MAD1L1: variants seen among roughly 807,000 people sequenced by gnomAD.
MAD1L1 encodes mitotic spindle assembly checkpoint protein MAD1.
In MAD1L1, 95 loss-of-function variants were observed where a neutral mutation model predicts 96.9. The observed-to-expected ratio is 0.98, with a 90% CI of 0.83 to 1.16. MAD1L1 has a LOEUF of 1.16. Ranked by LOEUF, MAD1L1 falls within the 50% of genes most tolerant of loss-of-function variation. The pLI is 0.00. For missense variants in MAD1L1, 1,007 were observed against 954.4 expected (o/e 1.06, Z -0.73); for synonymous variants, 473 against 396.6 (o/e 1.19, Z -2.29).
At chr7:1,961,558 T>C (rs1304162747) in intron 15 of MAD1L1, among the ~76,000 whole-genome samples, 1 of 152,204 alleles carries the variant, frequency 6.6e-6, no homozygotes, top group Non-Finnish European at 1.5e-5. Context: ...TCTTGTACAA[T>C]AAATGAAAAT....
At chr7:2,225,727 G>A (rs907372208) in intron 3 of MAD1L1, 177 bp from the exon 4 acceptor site, 20 of 651,836 alleles carry the variant, frequency 3.1e-5, no homozygotes, top group East Asian at 1.7e-4. Context: ...GGCAGGAAAC[G>A]GGAAGGTGAA....
chr7:2,188,180 G>T (rs1429376355), intron 10 of MAD1L1, among the ~76,000 whole-genome samples: 2 of 152,202 alleles, frequency 1.3e-5, no homozygotes, highest in African/African-American at 2.4e-5. Context: ...TAGTACGACA[G>T]TTTGAAAAGA....
intron 17 of MAD1L1, among the ~76,000 whole-genome samples, chr7:1,909,605 C>T (rs1251468932): frequency 3.3e-5 from 5 of 152,178 alleles, no homozygotes; most frequent in African/African-American, 4.8e-5. Context: ...CCAGCATGCC[C>T]CACAGCGCCC....
intron 17 of MAD1L1, among the ~76,000 whole-genome samples, chr7:1,902,839 C>T (rs1487524621): frequency 6.7e-6 from 1 of 149,700 alleles, no homozygotes; most frequent in South Asian, 2.1e-4. Flanking sequence ...GATGCAGTGG[C>T]CTATGGAAGA....
chr7:1,817,861 G>A (rs968992731), intron 18 of MAD1L1, among the ~76,000 whole-genome samples: 2 of 152,092 alleles, frequency 1.3e-5, no homozygotes, highest in Admixed American at 1.3e-4. Context: ...TGCCTGGGCT[G>A]GGCCCCGCCC....
At chr7:2,207,241 T>C (rs115979598) in intron 10 of MAD1L1, among the ~76,000 whole-genome samples, 45 of 152,248 alleles carry the variant, frequency 3.0e-4, no homozygotes, top group African/African-American at 1.1e-3. Flanking sequence ...TACTCTGAAA[T>C]ATATATTTGG....
chr7:1,951,193 C>T (rs1371679251), intron 16 of MAD1L1, among the ~76,000 whole-genome samples: 2 of 152,268 alleles, frequency 1.3e-5, no homozygotes, highest in African/African-American at 2.4e-5. Context: ...GCACAAACAA[C>T]AGCCAGCGCC....
chr7:2,194,657 C>T (rs1252807364), intron 10 of MAD1L1, among the ~76,000 whole-genome samples: 2 of 152,156 alleles, frequency 1.3e-5, no homozygotes, highest in African/African-American at 2.4e-5. Flanking sequence ...ACAGAAAAAA[C>T]GTACCAGACT....
chr7:1,828,029 G>A (rs1782517713), intron 18 of MAD1L1, among the ~76,000 whole-genome samples: 1 of 152,026 alleles, frequency 6.6e-6, no homozygotes, highest in South Asian at 2.1e-4. Context: ...CCTCCTGTGA[G>A]GCTGCCCCTC....
intron 13 of MAD1L1, among the ~76,000 whole-genome samples, chr7:2,009,478 C>A (rs1170033937): frequency 6.6e-6 from 1 of 152,234 alleles, no homozygotes; most frequent in East Asian, 1.9e-4. Flanking sequence ...CTGGCCAGGT[C>A]TCCAAGTGGC....
chr7:2,080,006 G>C (rs985706491), intron 11 of MAD1L1: 1 of 307,256 alleles, frequency 3.3e-6, no homozygotes, highest in Admixed American at 4.8e-5. Context: ...GAGACCATCC[G>C]TGCGTCCGTC....
At chr7:2,100,073 A>C (rs977055598) in intron 11 of MAD1L1, among the ~76,000 whole-genome samples, 1 of 152,246 alleles carries the variant, frequency 6.6e-6, no homozygotes, top group African/African-American at 2.4e-5. Context: ...ATGGGCATTT[A>C]ATAACTACCT....
At chr7:1,870,712 ACTGAACCCACCGTAACACCTGCCACG>A (rs1785022600) in intron 18 of MAD1L1, among the ~76,000 whole-genome samples, 3 of 81,910 alleles carry the variant, frequency 3.7e-5, no homozygotes, top group Admixed American at 1.4e-4. Flanking sequence ...CACCTGCCAC[ACTGAACCCACCGTAACACCTGCCACG>A]CTGAACCCAA....
chr7:1,837,510 CTT>C (rs1327329539), intron 18 of MAD1L1, among the ~76,000 whole-genome samples: 3 of 152,210 alleles, frequency 2.0e-5, no homozygotes, highest in African/African-American at 7.2e-5. Context: ...TCACTGTACA[CTT>C]TATTTGCAAC....
intron 17 of MAD1L1, among the ~76,000 whole-genome samples, chr7:1,912,858 G>C (rs546038476): frequency 1.3e-5 from 2 of 152,202 alleles, no homozygotes; most frequent in Admixed American, 6.5e-5. Flanking sequence ...CAGCTGGTCC[G>C]TGGAGAGAGG....
intron 11 of MAD1L1, among the ~76,000 whole-genome samples, chr7:2,117,939 A>C (rs192498316): frequency 6.6e-6 from 1 of 152,098 alleles, no homozygotes; most frequent in South Asian, 2.1e-4. Flanking sequence ...ACTGCCAGAC[A>C]CTCAGCATCC....
At chr7:1,904,620 C>T (rs1439441740) in intron 17 of MAD1L1, among the ~76,000 whole-genome samples, 23 of 121,120 alleles carry the variant, frequency 1.9e-4, no homozygotes, top group Admixed American at 1.7e-3. Context: ...TTCCAGGCAG[C>T]GAGGATGCAG....
At chr7:2,016,421 G>A (rs766742135) in intron 12 of MAD1L1, among the ~76,000 whole-genome samples, 1 of 152,198 alleles carries the variant, frequency 6.6e-6, no homozygotes, top group African/African-American at 2.4e-5. Flanking sequence ...CCACCCAGAA[G>A]CGGAGTGCAC....
chr7:1,971,174 A>G (rs955583163), intron 15 of MAD1L1, among the ~76,000 whole-genome samples: 4 of 152,218 alleles, frequency 2.6e-5, no homozygotes, highest in African/African-American at 4.8e-5. Context: ...ACGCAGTGCC[A>G]TGCGGGGCCC....
Sources: gnomAD v4.1 joint callset for allele counts (sites outside exome capture counted in the v4.1 genomes callset) on GRCh38, gnomAD v4.1.1 for gene constraint, MANE v1.5 for transcripts, NCBI Gene and HGNC (gene_info 2026-07-23, HGNC 2026-07-21) for gene names.